The following USP25 variants were observed in gnomAD, a reference collection of about 807,000 sequenced individuals.
The protein encoded by USP25 is ubiquitin carboxyl-terminal hydrolase 25.
A neutral mutation model predicts 158.5 loss-of-function variants in USP25; 85 were observed. The observed-to-expected ratio is 0.54, with a 90% CI of 0.45 to 0.64. The LOEUF is 0.64. Ranked by LOEUF, USP25 falls within the 30% of genes least tolerant of loss-of-function variation. The pLI is 0.00. For missense variants in USP25, 1,242 were observed against 1,327.3 expected, an observed-to-expected ratio of 0.94 and a Z score of 1.00; for synonymous variants, 464 against 460.4, an observed-to-expected ratio of 1.01 and a Z score of -0.10.
chr21:15,763,209 C>A (rs905887886), intron 2 of USP25, among the ~76,000 whole-genome samples: 5 of 152,038 alleles, frequency 3.3e-5, no homozygotes, highest in Non-Finnish European at 7.4e-5. Flanking sequence ...ATATGAAATG[C>A]TTTTTGTGCA....
chr21:15,775,739 A>ACACCCCCCCCCCCCCCCC (rs2034605867), intron 3 of USP25, among the ~76,000 whole-genome samples: 1 of 14,054 alleles, frequency 7.1e-5, no homozygotes, highest in African/African-American at 3.1e-4. Flanking sequence ...AATGGTTGCC[A>ACACCCCCCCCCCCCCCCC]CCCCCCCCCC....
chr21:15,776,574 T>C (rs960754861), intron 3 of USP25, among the ~76,000 whole-genome samples: 1 of 151,650 alleles, frequency 6.6e-6, no homozygotes, highest in Non-Finnish European at 1.5e-5. Flanking sequence ...CTCTATCCTG[T>C]TTGTTTTTTT....
chr21:15,801,821 G>GC (rs2036150688), intron 6 of USP25, among the ~76,000 whole-genome samples: 1 of 151,474 alleles, frequency 6.6e-6, no homozygotes, highest in African/African-American at 2.4e-5. Flanking sequence ...AGCAAAATTT[G>GC]CCACAAATAT....
intron 23 of USP25, among the ~76,000 whole-genome samples, chr21:15,872,263 A>G (rs1303371616): frequency 6.6e-6 from 1 of 152,128 alleles, no homozygotes; most frequent in African/African-American, 2.4e-5. Flanking sequence ...TTTATCTTAG[A>G]TAAGAATATG....
rs150578905 is a variant in USP25 at position 15,813,970 on chromosome 21, T to A, written c.931+2760T>A. On this transcript the variant is annotated intron_variant, in intron 9 of 25. Coordinates refer to ENST00000400183, the MANE Select transcript of USP25 (RefSeq NM_001283041.3). ...TTGTATCTCGCAGAATTCCGTGTGT[T>A]GTGGGAGGGACCCAGGGGGAGGTAA... Among the ~76,000 whole-genome samples the A allele has an allele frequency of 5.5e-3, 830 of 151,762 alleles. 15 individuals are homozygous for A. The highest frequency in any genetic ancestry group is 0.019 in the African/African-American group (795 of 41,440).
chr21:15,731,224 C>CAG (rs772159500), intron 1 of USP25, among the ~76,000 whole-genome samples: 1 of 152,100 alleles, frequency 6.6e-6, no homozygotes, highest in Non-Finnish European at 1.5e-5. Flanking sequence ...ATTTTGCTTT[C>CAG]AGAATCTTAA....
intron 9 of USP25, among the ~76,000 whole-genome samples, chr21:15,813,436 C>T (rs1443116315): frequency 6.6e-6 from 1 of 152,180 alleles, no homozygotes; most frequent in Non-Finnish European, 1.5e-5. Flanking sequence ...ATATATGAGC[C>T]TCAGGCTCCA....
At chr21:15,730,515 C>A in intron 1 of USP25, 77 bp downstream of exon 1, 1 of 1,282,492 alleles carries the variant, frequency 7.8e-7, no homozygotes, top group Non-Finnish European at 9.9e-7. Flanking sequence ...GCCGGGCGCC[C>A]CGGCCTCGCC....
rs1325962563 is a variant in USP25 at position 15,875,185 on chromosome 21, A to G, written c.3009+659A>G. On this transcript the variant is annotated intron_variant, in intron 24 of 25. Transcript: ENST00000400183. The surrounding 1 kb of genome is among the most constrained non-coding windows in gnomAD (Gnocchi z 4.7). Reference sequence around the variant, plus strand: ...CAGAGCAAGACTCTGTCTCAAAAAAACAAGAATATACATAGAATGTATTAG... The same window carrying G: ...CAGAGCAAGACTCTGTCTCAAAAAAGCAAGAATATACATAGAATGTATTAG... 2.0e-5 allele frequency among the ~76,000 whole-genome samples: 3 copies of G among 152,202 alleles called. No homozygotes were observed. Among genetic ancestry groups the G allele is most frequent in the African/African-American group, 7.2e-5 (3 of 41,454 alleles).
intron 9 of USP25, among the ~76,000 whole-genome samples, chr21:15,817,437 C>G (rs2036998457): frequency 6.6e-6 from 1 of 152,158 alleles, no homozygotes; most frequent in Non-Finnish European, 1.5e-5. Context: ...CCACTTCACA[C>G]AGGGACTTTA....
intron 6 of USP25, among the ~76,000 whole-genome samples, chr21:15,802,154 C>CTTT (rs973525762): frequency 2.6e-5 from 4 of 151,406 alleles, no homozygotes; most frequent in African/African-American, 9.7e-5. Context: ...ATGTAAATAG[C>CTTT]TAAAGCCTTA....
chr21:15,756,692 C>G (rs1273785293), intron 1 of USP25, among the ~76,000 whole-genome samples: 3 of 152,106 alleles, frequency 2.0e-5, no homozygotes, highest in African/African-American at 7.2e-5. Context: ...ATAGTAGACA[C>G]TTAAGGATGT....
At chr21:15,785,393 G>A (rs1358232163) in intron 4 of USP25, among the ~76,000 whole-genome samples, 1 of 152,146 alleles carries the variant, frequency 6.6e-6, no homozygotes. Context: ...AACATGAACA[G>A]CCGCAGAATA....
chr21:15,820,300 T>C (rs1475527681), intron 10 of USP25, among the ~76,000 whole-genome samples: 1 of 152,066 alleles, frequency 6.6e-6, no homozygotes, highest in Non-Finnish European at 1.5e-5. Context: ...CTTTCTCACA[T>C]ATTCCCAGCT....
At chr21:15,779,414 G>C (rs979609724) in intron 4 of USP25, among the ~76,000 whole-genome samples, 1 of 151,444 alleles carries the variant, frequency 6.6e-6, no homozygotes, top group Non-Finnish European at 1.5e-5. Context: ...ATGTGAAAAG[G>C]GTTATAAAAA....
In USP25 at chr21:15,829,103, T is replaced by C. The variant is rs2037672727; in HGVS notation, c.1694-1428T>C. 2.6e-5 allele frequency among the ~76,000 whole-genome samples: 4 copies of C among 152,362 alleles called. No homozygotes were observed. In the South Asian group the frequency reaches 8.3e-4, roughly 32 times the overall value. On this transcript the variant is annotated intron_variant, in intron 14 of 25. Coordinates refer to ENST00000400183, the MANE Select transcript of USP25 (RefSeq NM_001283041.3). ...GATGTAATTCATTTAATTCCCATAT[T>C]GATATTTCCTAAATAGTGCTGGTCT...
chr21:15,771,999 C>T (rs761974417), intron 3 of USP25, among the ~76,000 whole-genome samples: 13 of 151,628 alleles, frequency 8.6e-5, no homozygotes, highest in Non-Finnish European at 1.6e-4. Flanking sequence ...AAAATATTTA[C>T]ATATATAATA....
intron 1 of USP25, among the ~76,000 whole-genome samples, chr21:15,760,633 A>C (rs2033668600): frequency 6.6e-6 from 1 of 152,250 alleles, no homozygotes; most frequent in Non-Finnish European, 1.5e-5. Context: ...ATTGTCAAGC[A>C]TGTTTTGAAA....
At chr21:15,812,656 A>G (rs915221114) in intron 9 of USP25, among the ~76,000 whole-genome samples, 2 of 152,162 alleles carry the variant, frequency 1.3e-5, no homozygotes, top group Admixed American at 6.5e-5. Flanking sequence ...GTCTCAAAAA[A>G]AAAAAAAAAA....
Sources: allele counts gnomAD v4.1 joint callset (sites outside exome capture counted in the v4.1 genomes callset), GRCh38; gene constraint gnomAD v4.1.1; non-coding constraint Gnocchi (gnomAD v3.1); transcripts MANE v1.5; gene names NCBI Gene and HGNC (gene_info 2026-07-23, HGNC 2026-07-21).